Variants in PITPNM1 observed in about 807,000 individuals in gnomAD.
PITPNM1 encodes the protein phosphatidylinositol transfer protein membrane associated 1.
In PITPNM1, 74 loss-of-function variants were observed where a neutral mutation model predicts 133.3. That is an observed-to-expected ratio of 0.56 (90% CI 0.46 to 0.67). PITPNM1 has a LOEUF of 0.67. Among genes scored for constraint, PITPNM1 ranks in the 30% least tolerant of loss-of-function variants. PITPNM1 has a pLI of 0.00. For synonymous variants in PITPNM1, 738 were observed against 741.4 expected, an observed-to-expected ratio of 1.00 and a Z score of 0.08; for missense variants, 1,398 against 1,739.5, an observed-to-expected ratio of 0.80 and a Z score of 3.49.
At chr11:67,503,966 C>T (rs1866411578) in intron 2 of PITPNM1, 137 bp downstream of exon 2, 1 of 617,932 alleles carries the variant, frequency 1.6e-6, no homozygotes, top group East Asian at 3.0e-5. Flanking sequence ...TCCCACAGTC[C>T]TTCCCCATTC....
intron 5 of PITPNM1, among the ~76,000 whole-genome samples, chr11:67,500,767 A>G (rs1430333220): frequency 6.6e-6 from 1 of 152,260 alleles, no homozygotes; most frequent in Non-Finnish European, 1.5e-5. Context: ...AGGGTTTAAC[A>G]GTTAATGAAA....
chr11:67,494,612 G>A (rs907981945), intron 18 of PITPNM1, among the ~76,000 whole-genome samples: 13 of 152,084 alleles, frequency 8.5e-5, no homozygotes, highest in African/African-American at 2.7e-4. Flanking sequence ...GGGGACCAGC[G>A]CAGATCCAGA....
At position 67,498,652 on chromosome 11, in the gene PITPNM1, C is replaced by T. The variant is rs772912535; in HGVS notation, c.1428G>A (p.Ala476=). Residue 476 remains alanine, a synonymous_variant, in exon 10 of 24, where the codon GCG becomes GCA. Coordinates refer to ENST00000356404, the MANE Select transcript of PITPNM1 (RefSeq NM_004910.3). This position sits in a 1 kb window ranked among gnomAD's most constrained non-coding sequence, Gnocchi z 5.7. ...TGGGTGGACAGGGCACCAGTCGCAG[C>T]GCCACGTGGCCCAAGGCCTCAGGGA... ...IHFPEALGHV[A]LRLVPCPPIC... 29 of 1,600,018 alleles carry T rather than the reference C, an allele frequency of 1.8e-5. No homozygotes were observed. Among genetic ancestry groups the T allele is most frequent in the Middle Eastern group, 3.4e-4 (2 of 5,842 alleles).
At position 67,498,608 on chromosome 11, in the gene PITPNM1, G is replaced by A. The variant is rs763033655; in HGVS notation, c.1472C>T (p.Ala491Val). 1.3e-6 allele frequency: 2 copies of A among 1,597,148 alleles called. No individual in the cohort carries two copies. Among genetic ancestry groups the A allele is most frequent in the African/African-American group, 1.3e-5 (1 of 74,916 alleles). ...PCPPICAAAY[A>V]LVSNLSPYSH... ...CCGTGGCTAGTACTTGGAGACAAGG[G>A]CATAGGCGGCGGCGCAGATGGGTGG... Residue 491 changes from alanine (A) to valine (V), a missense_variant, in exon 10 of 24, where the codon GCC becomes GTC. Coordinates refer to ENST00000356404, the MANE Select transcript of PITPNM1 (RefSeq NM_004910.3). This position sits in a 1 kb window ranked among gnomAD's most constrained non-coding sequence, Gnocchi z 5.7.
At chr11:67,494,152 G>A in intron 19 of PITPNM1, 82 bp from the exon 20 acceptor site, 1 of 1,571,728 alleles carries the variant, frequency 6.4e-7, no homozygotes, top group Non-Finnish European at 8.7e-7. Flanking sequence ...GGGATGGGTG[G>A]GTCTAGGGGC....
At chr11:67,503,847 C>A (rs1335533450) in intron 2 of PITPNM1, 1 of 378,626 alleles carries the variant, frequency 2.6e-6, no homozygotes, top group East Asian at 4.2e-5. Flanking sequence ...CTCCTGGGCG[C>A]TTTTTCCTTC....
Position 67,504,295 on chromosome 11 carries a change from G to T in PITPNM1, c.-41-74C>A. On this transcript the variant is annotated intron_variant, in intron 1 of 23. Transcript: ENST00000356404. This position sits in a 1 kb window ranked among gnomAD's most constrained non-coding sequence, Gnocchi z 5.4. ...CCCCGAGCCCTGCGCGCCGGCCGAG[G>T]GACTCAGGCCACGGGACCCCATGTC... 1 of 514,166 alleles carries T rather than the reference G, an allele frequency of 1.9e-6. No homozygotes were observed. Among genetic ancestry groups the T allele is most frequent in the Non-Finnish European group, 3.0e-6 (1 of 337,660 alleles). 31.9% of individuals were successfully genotyped at this position (514,166 alleles called of 1,614,324 possible).
At chr11:67,499,683 C>T in intron 8 of PITPNM1, 40 bp downstream of exon 8, 1 of 1,129,718 alleles carries the variant, frequency 8.9e-7, no homozygotes, top group Non-Finnish European at 1.3e-6. Context: ...ACCTGCTGTA[C>T]ACGGGTGCTG....
Position 67,498,364 on chromosome 11 carries a change from C to T in PITPNM1, c.1485-42G>A. On this transcript the variant is annotated intron_variant, in intron 10 of 23. Transcript: ENST00000356404. This position sits in a 1 kb window ranked among gnomAD's most constrained non-coding sequence, Gnocchi z 5.7. ...TGTGCGTGGGTGAGGGGCTTCCAGA[C>T]CCACTCCTGCCATCCAAGTCCCCTG... 6.7e-7 allele frequency: 1 copy of T among 1,486,052 alleles called. No individual in the cohort carries two copies. The highest frequency in any genetic ancestry group is 8.9e-7 in the Non-Finnish European group (1 of 1,118,022). 92.1% of individuals were successfully genotyped at this position (1,486,052 alleles called of 1,614,324 possible). A position where few individuals can be genotyped will look rare whatever the true frequency, so the allele number is the denominator to read the frequency against.
In PITPNM1 at chr11:67,491,836, G is replaced by A. The variant is rs893094797; in HGVS notation, c.*197C>T. 70 of 619,014 alleles carry A rather than the reference G, an allele frequency of 1.1e-4. No individual in the cohort carries two copies. The South Asian group carries it at 1.3e-3, about 12-fold the overall frequency. The allele number at this position is 619,014 out of a possible 1,614,324, so 38.3% of individuals were successfully genotyped here. ...GAAAAGCCTCTGCGCCCATGCCCAC[G>A]CCCTCCTCCCTCCCCCCGGCGCTGG... On this transcript the variant is annotated 3_prime_UTR_variant, in exon 24 of 24. Coordinates refer to ENST00000356404, the MANE Select transcript of PITPNM1 (RefSeq NM_004910.3).
Position 67,502,539 on chromosome 11 carries a change from C to T in PITPNM1, c.258G>A (p.Glu86=), listed in dbSNP as rs775216038. Reference sequence around the variant, plus strand: ...TGTAGGGGTAGGCATTCCAGGATTCCTCTTCTACCTGCAGGGCAGCCTTGG... The same window carrying T: ...TGTAGGGGTAGGCATTCCAGGATTCTTCTTCTACCTGCAGGGCAGCCTTGG... ...LLPKAALQVE[E]ESWNAYPYTR... Residue 86 remains glutamate, a synonymous_variant, in exon 3 of 24, where the codon GAG becomes GAA. Coordinates refer to ENST00000356404, the MANE Select transcript of PITPNM1 (RefSeq NM_004910.3). This position sits in a 1 kb window ranked among gnomAD's most constrained non-coding sequence, Gnocchi z 5.9. 1.2e-6 allele frequency: 2 copies of T among 1,613,762 alleles called. No homozygotes were observed. Among genetic ancestry groups the T allele is most frequent in the Non-Finnish European group, 1.7e-6 (2 of 1,180,010 alleles).
chr11:67,497,809 C>A, intron 12 of PITPNM1, 108 bp downstream of exon 12: 1 of 1,468,720 alleles, frequency 6.8e-7, no homozygotes. Context: ...ACTGGCAGGG[C>A]AGCAGGGGGC....
At chr11:67,501,193 C>T (rs1390446076) in intron 5 of PITPNM1, among the ~76,000 whole-genome samples, 1 of 152,208 alleles carries the variant, frequency 6.6e-6, no homozygotes, top group East Asian at 1.9e-4. Flanking sequence ...AGTATTAGCT[C>T]TTCATATCTG....
chr11:67,498,365 C>G lies in PITPNM1; in HGVS notation c.1485-43G>C. On this transcript the variant is annotated intron_variant, in intron 10 of 23. Coordinates refer to ENST00000356404, the MANE Select transcript of PITPNM1 (RefSeq NM_004910.3). This position sits in a 1 kb window ranked among gnomAD's most constrained non-coding sequence, Gnocchi z 5.7. ...GTGCGTGGGTGAGGGGCTTCCAGAC[C>G]CACTCCTGCCATCCAAGTCCCCTGG... is the stretch of plus-strand genomic sequence containing the variant. 6.7e-7 allele frequency: 1 copy of G among 1,484,020 alleles called. No homozygotes were observed. The highest frequency in any genetic ancestry group is 8.9e-7 in the Non-Finnish European group (1 of 1,117,330). The allele number at this position is 1,484,020 out of a possible 1,614,324, so 91.9% of individuals were successfully genotyped here. A position where few individuals can be genotyped will look rare whatever the true frequency, so the allele number is the denominator to read the frequency against.
Position 67,493,856 on chromosome 11 carries a change from G to C in PITPNM1, c.3009-19C>G. 1 of 1,530,580 alleles carries C rather than the reference G, an allele frequency of 6.5e-7. No homozygotes were observed. The highest frequency in any genetic ancestry group is 8.8e-7 in the Non-Finnish European group (1 of 1,136,304). The allele number at this position is 1,530,580 out of a possible 1,614,324, so 94.8% of individuals were successfully genotyped here. ...GTCGCCCCTGCGGCCCACGGGGCGG[G>C]GCGTGAGTGGCGCGGGGCGAGGCCT... On this transcript the variant is annotated intron_variant, in intron 20 of 23. Transcript: ENST00000356404.
chr11:67,502,716 T>C lies in PITPNM1; in HGVS notation c.81A>G (p.Lys27=). ...CACCACTAGACTCCTCCCGGCTCTT[T>C]TTCTGTGGCCCAAGGGAGAGCAGGA... The part of the protein sequence containing the change: ...YQVAQLYMIQ[K]KSREESSGEG... Residue 27 remains lysine, a splice_region_variant and synonymous_variant, in exon 3 of 24, where the codon AAA becomes AAG. Coordinates refer to ENST00000356404, the MANE Select transcript of PITPNM1 (RefSeq NM_004910.3). The surrounding 1 kb of genome is among the most constrained non-coding windows in gnomAD (Gnocchi z 5.9). 1 of 1,612,094 alleles carries C rather than the reference T, an allele frequency of 6.2e-7. No individual in the cohort carries two copies. The highest frequency in any genetic ancestry group is 8.5e-7 in the Non-Finnish European group (1 of 1,179,030).
chr11:67,493,157 G>A lies in PITPNM1; in HGVS notation c.3343-95C>T, dbSNP rs1272735994. 6.1e-6 allele frequency: 9 copies of A among 1,474,778 alleles called. No individual in the cohort carries two copies. In the African/African-American group the frequency reaches 1.2e-4, roughly 20 times the overall value. 91.4% of individuals were successfully genotyped at this position (1,474,778 alleles called of 1,614,324 possible). A position where few individuals can be genotyped will look rare whatever the true frequency, so the allele number is the denominator to read the frequency against. ...CTTCCCCAGATTGTTCTGGGGGTGG[G>A]TCCAGGCAGACGGAGGCGAAGACAG... is the stretch of plus-strand genomic sequence containing the variant. On this transcript the variant is annotated intron_variant, in intron 22 of 23. Transcript: ENST00000356404.
At chr11:67,495,403 C>A in intron 16 of PITPNM1, 35 bp downstream of exon 16, 1 of 1,467,216 alleles carries the variant, frequency 6.8e-7, no homozygotes, top group East Asian at 2.5e-5. Flanking sequence ...GCCTCCCCCA[C>A]CCCCAGGCTG....
chr11:67,498,647 C>T lies in PITPNM1; in HGVS notation c.1433G>A (p.Arg478Gln), dbSNP rs202168402. The change falls in exon 10 of 24, where the codon CGA becomes CAA. Residue 478 changes from arginine (R) to glutamine (Q), a missense_variant. By Grantham distance (43) the Arg-to-Gln change is conservative. This residue lies in a region of PITPNM1 where 574 missense variants were observed against 698.7 expected (regional missense o/e 0.82). Coordinates refer to ENST00000356404, the MANE Select transcript of PITPNM1 (RefSeq NM_004910.3). This position sits in a 1 kb window ranked among gnomAD's most constrained non-coding sequence, Gnocchi z 5.7. ...GCAGATGGGTGGACAGGGCACCAGTCGCAGCGCCACGTGGCCCAAGGCCTC... is the reference window on the plus strand; with the variant it reads ...GCAGATGGGTGGACAGGGCACCAGTTGCAGCGCCACGTGGCCCAAGGCCTC... ...FPEALGHVAL[R>Q]LVPCPPICAA... The T allele has an allele frequency of 8.1e-6, 13 of 1,599,766 alleles. No homozygotes were observed. Among genetic ancestry groups the T allele is most frequent in the East Asian group, 2.2e-5 (1 of 44,886 alleles).
Sources: allele counts gnomAD v4.1 joint callset (sites outside exome capture counted in the v4.1 genomes callset), GRCh38; gene constraint gnomAD v4.1.1; regional missense constraint gnomAD v4.1.1; non-coding constraint Gnocchi (gnomAD v3.1); transcripts MANE v1.5; gene names NCBI Gene and HGNC (gene_info 2026-07-23, HGNC 2026-07-21).